Variants in MEF2C observed in about 807,000 individuals in gnomAD.
The protein encoded by MEF2C is myocyte-specific enhancer factor 2C.
MEF2C carries 6 observed loss-of-function variants against 50.5 expected under a neutral mutation model. That is an observed-to-expected ratio of 0.12 (90% CI 0.07 to 0.23). The LOEUF is 0.23. Among genes scored for constraint, MEF2C ranks in the 10% least tolerant of loss-of-function variants. The probability of loss-of-function intolerance (pLI) is 1.00; values close to 1 mark genes in which losing one functional copy is unlikely to be tolerated. For synonymous variants in MEF2C, 183 were observed against 228.0 expected, an observed-to-expected ratio of 0.80 and a Z score of 1.78; for missense variants, 276 against 605.0, an observed-to-expected ratio of 0.46 and a Z score of 5.70.
intron 2 of MEF2C, among the ~76,000 whole-genome samples, chr5:88,823,200 A>G (rs1040574413): frequency 1.3e-5 from 2 of 151,964 alleles, no homozygotes; most frequent in Non-Finnish European, 2.9e-5. Context: ...CCTTGCCTAT[A>G]TGTTTTAAGT....
chr5:88,876,063 GTT>G (rs33921751), intron 1 of MEF2C, among the ~76,000 whole-genome samples: 26,786 of 122,852 alleles, frequency 0.22, 1,975 homozygotes, highest in Middle Eastern at 0.32. Flanking sequence ...AGTAACTGGA[GTT>G]TTTTTTTTTT....
At chr5:88,797,454 C>CTTTTTTTTTTTTTTTTTTTTTT (rs1169605093) in intron 3 of MEF2C, among the ~76,000 whole-genome samples, 1 of 25,242 alleles carries the variant, frequency 4.0e-5, no homozygotes, top group African/African-American at 1.3e-4. Flanking sequence ...GCAACCCTTG[C>CTTTTTTTTTTTTTTTTTTTTTT]CTTTTTTTTT....
At chr5:88,865,461 C>T (rs554985082) in intron 1 of MEF2C, among the ~76,000 whole-genome samples, 1 of 152,240 alleles carries the variant, frequency 6.6e-6, no homozygotes, top group East Asian at 1.9e-4. Flanking sequence ...AGGAATATTA[C>T]TAATAAGTTT....
At chr5:88,753,280 T>C (rs1405999923) in intron 4 of MEF2C, among the ~76,000 whole-genome samples, 1 of 152,236 alleles carries the variant, frequency 6.6e-6, no homozygotes, top group Non-Finnish European at 1.5e-5. Flanking sequence ...CATTTTTCTT[T>C]TCTTCCATGT....
chr5:88,864,453 A>G (rs1203319477), intron 1 of MEF2C, among the ~76,000 whole-genome samples: 2 of 151,778 alleles, frequency 1.3e-5, no homozygotes, highest in African/African-American at 4.8e-5. Flanking sequence ...ATTTAATCTG[A>G]ATCTGGGAGT....
intron 1 of MEF2C, among the ~76,000 whole-genome samples, chr5:88,838,947 T>A (rs1816233751): frequency 6.6e-6 from 1 of 152,152 alleles, no homozygotes; most frequent in Non-Finnish European, 1.5e-5. Flanking sequence ...GCTTTCAACT[T>A]TATAAGACAC....
Position 88,869,296 on chromosome 5 carries a change from C to CAT in MEF2C, c.-143+13658_-143+13659insAT, listed in dbSNP as rs1561421061. 5.2e-4 allele frequency among the ~76,000 whole-genome samples: 55 copies of CAT among 104,866 alleles called. 1 individual carries two copies. Among genetic ancestry groups the CAT allele is most frequent in the African/African-American group, 1.8e-3 (48 of 26,678 alleles). 68.8% of individuals were successfully genotyped at this position (104,866 alleles called of 152,430 possible). On this transcript the variant is annotated intron_variant, in intron 1 of 10. Coordinates refer to ENST00000504921, the MANE Select transcript of MEF2C (RefSeq NM_002397.5). The stretch of plus-strand genomic sequence containing the variant: ...ATATATACATATATATATATATATA[C>CAT]ACATATATATATATATATACACATA...
intron 6 of MEF2C, chr5:88,748,712 A>G: frequency 1.1e-6 from 1 of 934,374 alleles, no homozygotes; most frequent in Non-Finnish European, 1.3e-6. Context: ...TTGGCTGGAA[A>G]ATGATTCATA....
At chr5:88,769,240 T>A (rs890605163) in intron 3 of MEF2C, among the ~76,000 whole-genome samples, 26 of 152,350 alleles carry the variant, frequency 1.7e-4, no homozygotes, top group Middle Eastern at 3.4e-3. Flanking sequence ...AAGTTCATCA[T>A]TTTCCCCCAT....
intron 3 of MEF2C, among the ~76,000 whole-genome samples, chr5:88,790,436 A>G (rs1331197193): frequency 6.6e-6 from 1 of 152,198 alleles, no homozygotes; most frequent in Non-Finnish European, 1.5e-5. Flanking sequence ...TCAGCATTTT[A>G]GCAAGATACT....
intron 3 of MEF2C, chr5:88,771,626 C>T (rs1782458860): frequency 1.6e-5 from 16 of 985,132 alleles, no homozygotes; most frequent in Non-Finnish European, 1.9e-5. Flanking sequence ...TGTGTGGACT[C>T]AACCAAGATT....
At chr5:88,856,541 C>G (rs933624474) in intron 1 of MEF2C, among the ~76,000 whole-genome samples, 1 of 152,192 alleles carries the variant, frequency 6.6e-6, no homozygotes, top group Admixed American at 6.5e-5. Flanking sequence ...GCAGCCCTTC[C>G]TATCACAGGC....
chr5:88,757,312 T>C (rs1216036908), intron 4 of MEF2C, among the ~76,000 whole-genome samples: 3 of 152,216 alleles, frequency 2.0e-5, no homozygotes, highest in African/African-American at 7.2e-5. Flanking sequence ...CCCTCTTTTA[T>C]TTAATGTGAG....
At chr5:88,806,521 C>G (rs899153844) in intron 2 of MEF2C, among the ~76,000 whole-genome samples, 1 of 152,136 alleles carries the variant, frequency 6.6e-6, no homozygotes, top group African/African-American at 2.4e-5. Flanking sequence ...TGGCCTGCCA[C>G]CTTCTCCCAC....
At chr5:88,787,113 C>T (rs369916053) in intron 3 of MEF2C, among the ~76,000 whole-genome samples, 4 of 147,382 alleles carry the variant, frequency 2.7e-5, no homozygotes, top group African/African-American at 7.5e-5. Context: ...TTTGCACATA[C>T]ACTTAATAAA....
intron 1 of MEF2C, among the ~76,000 whole-genome samples, chr5:88,846,931 G>T (rs995435798): frequency 6.6e-6 from 1 of 152,150 alleles, no homozygotes; most frequent in African/African-American, 2.4e-5. Flanking sequence ...ATCTTAAAGG[G>T]AATTATTTGT....
intron 1 of MEF2C, chr5:88,888,238 G>A (rs1477674088): frequency 6.6e-6 from 1 of 152,188 alleles, no homozygotes; most frequent in Non-Finnish European, 1.5e-5. Flanking sequence ...TTCTGTTTTA[G>A]TCTGGCTTTC....
chr5:88,779,295 T>C (rs1038696401), intron 3 of MEF2C, among the ~76,000 whole-genome samples: 2 of 152,004 alleles, frequency 1.3e-5, no homozygotes, highest in Non-Finnish European at 2.9e-5. Flanking sequence ...AAGCAAAACA[T>C]AGTTCAAAGT....
chr5:88,894,301 C>A (rs1222775112), intron 1 of MEF2C, among the ~76,000 whole-genome samples: 3 of 152,176 alleles, frequency 2.0e-5, no homozygotes, highest in Admixed American at 1.3e-4. Context: ...CAATACTCTA[C>A]CCTTAGCTAT....
Sources: allele counts gnomAD v4.1 joint callset (sites outside exome capture counted in the v4.1 genomes callset), GRCh38; gene constraint gnomAD v4.1.1; transcripts MANE v1.5; gene names NCBI Gene and HGNC (gene_info 2026-07-23, HGNC 2026-07-21).